The following FLNA variants were observed in gnomAD, a reference collection of about 807,000 sequenced individuals.
FLNA encodes the protein filamin-A.
A neutral mutation model predicts 157.6 loss-of-function variants in FLNA; 7 were observed. That is an observed-to-expected ratio of 0.04 (90% confidence interval 0.03 to 0.08). The LOEUF (loss-of-function observed/expected upper bound fraction) is 0.08. FLNA is among the 10% of genes least tolerant of loss of function. FLNA has a pLI of 1.00. For missense variants in FLNA, 1,750 were observed against 2,398.4 expected (o/e 0.73, Z 5.65); for synonymous variants, 1,103 against 1,060.8 (o/e 1.04, Z -0.77).
Position 154,366,607 on chromosome X carries a change from G to C in FLNA, c.1020C>G (p.Arg340=). The C allele has an allele frequency of 3.3e-6, 4 of 1,212,104 alleles. No homozygotes were observed. Among genetic ancestry groups the C allele is most frequent in the Non-Finnish European group, 4.5e-6 (4 of 895,437 alleles). ...AKVTANNDKN[R]TFSVWYVPEV... ...CGGGGACGTACCAGACGGAGAAGGTGCGGTTCTTGTCGTTATTGGCGGTCA... is the reference window on the plus strand; with the variant it reads ...CGGGGACGTACCAGACGGAGAAGGTCCGGTTCTTGTCGTTATTGGCGGTCA... Residue 340 remains arginine (R), a synonymous_variant, in exon 7 of 48, where the codon CGC becomes CGG. Transcript: ENST00000369850.
In FLNA at chrX:154,353,012, G is replaced by T; in HGVS notation, c.6215C>A (p.Thr2072Asn). 1 of 1,211,414 alleles carries T rather than the reference G, an allele frequency of 8.3e-7. No homozygotes were observed. Among genetic ancestry groups the T allele is most frequent in the African/African-American group, 1.7e-5 (1 of 57,887 alleles). The part of the protein sequence containing the change: ...TFEPAEFIID[T>N]RDAGYGGLSL... ...CAGCCACTGCCTACCTGCATCGCGG[G>T]TATCAATGATAAACTCTGCAGGCTC... Residue 2072 changes from threonine (T) to asparagine (N), a missense_variant, in exon 38 of 48, where the codon ACC (threonine) becomes AAC (asparagine). By Grantham distance (65) the Thr-to-Asn change is moderately conservative. This residue lies in a region of FLNA where 970 missense variants were observed against 1,302.6 expected (regional missense o/e 0.74). Transcript: ENST00000369850.
chrX:154,371,372 A>AGC lies in FLNA; in HGVS notation c.-116-13_-116-12dup. On this transcript the variant is annotated splice_polypyrimidine_tract_variant and intron_variant, in intron 1 of 47. Transcript: ENST00000369850. ...GGAGCAGAGGTTGCGCTGCGGAGAG[A>AGC]GCGAGCCCTTTAAATGCGGGAGGAG... The AGC allele has an allele frequency of 1.1e-6, 1 of 873,292 alleles. No individual in the cohort carries two copies. The highest frequency in any genetic ancestry group is 3.2e-5 in the Admixed American group (1 of 31,451). The allele number at this position is 873,292 out of a possible 1,213,427, so 72.0% of individuals were successfully genotyped here. A position where few individuals can be genotyped will look rare whatever the true frequency, so the allele number is the denominator to read the frequency against.
intron 6 of FLNA, 43 bp from the exon 7 acceptor site, chrX:154,366,682 C>T: frequency 8.3e-7 from 1 of 1,202,245 alleles, no homozygotes; most frequent in Non-Finnish European, 1.1e-6. Flanking sequence ...AAGAGCAGCC[C>T]CACTGAAAGG....
rs57108893 is a variant in FLNA at position 154,354,639 on chromosome X, C to T, written c.5290G>A (p.Ala1764Thr). The T allele has an allele frequency of 7.4e-3, 8,850 of 1,203,908 alleles. 388 individuals are homozygous for T. In the African/African-American group the frequency reaches 0.13, roughly 18 times the overall value. The change falls in exon 32 of 48, where the codon GCC becomes ACC. Residue 1764 changes from alanine to threonine, a missense_variant. Transcript: ENST00000369850. ...ACCCAAGTCTGCTGGCCGCCCTGGG[C>T]GTAGGTGTACTGTGGGGCCAGCTGC... is the stretch of plus-strand genomic sequence containing the variant. ...SQQLAPQYTY[A>T]QGGQQTWAPE...
rs782694926 is a variant in FLNA, at chrX:154,360,280, C to T, written c.3515G>A (p.Arg1172Gln). 5.0e-6 allele frequency: 6 copies of T among 1,211,818 alleles called. No individual in the cohort carries two copies. The highest frequency in any genetic ancestry group is 2.2e-5 in the Admixed American group (1 of 46,193). Residue 1172 changes from arginine to glutamine, a missense_variant, in exon 22 of 48, where the codon CGG (arginine) becomes CAG (glutamine). Physicochemically the swap from Arg to Gln is conservative, Grantham distance 43 (BLOSUM62 1). Around this residue, in one of 5 missense-constraint regions of FLNA, gnomAD observed 648 missense variants for 805.8 expected, o/e 0.80. Transcript: ENST00000369850. ...KVKCSGPGLERATAGEVGQFQ... is the reference protein window; with the variant it reads ...KVKCSGPGLEQATAGEVGQFQ... ...TTGGCCCACCTCCCCAGCGGTGGCCCGCTCCAGCCCGGGGCCTGAGCACTT... is the reference window on the plus strand; with the variant it reads ...TTGGCCCACCTCCCCAGCGGTGGCCTGCTCCAGCCCGGGGCCTGAGCACTT...
At chrX:154,361,952 G>A (rs781786340) in intron 19 of FLNA, 27 bp downstream of exon 19, 37 of 1,203,231 alleles carry the variant, frequency 3.1e-5, no homozygotes, top group African/African-American at 8.8e-5. Flanking sequence ...CTGGGGACTC[G>A]GTGACTGTAG....
intron 9 of FLNA, 61 bp downstream of exon 9, chrX:154,365,963 C>T: frequency 1.8e-6 from 2 of 1,090,730 alleles, no homozygotes; most frequent in Non-Finnish European, 2.5e-6. Context: ...CAGGGGGTCC[C>T]CCTCCTGTGG....
rs976605684 is a variant in FLNA at position 154,348,770 on chromosome X, C to T, written c.*79G>A. 30 of 992,198 alleles carry T rather than the reference C, an allele frequency of 3.0e-5. No homozygotes were observed. Among genetic ancestry groups the T allele is most frequent in the Admixed American group, 1.4e-4 (5 of 36,698 alleles). 81.8% of individuals were successfully genotyped at this position (992,198 alleles called of 1,213,427 possible). On this transcript the variant is annotated 3_prime_UTR_variant, in exon 48 of 48. Coordinates refer to ENST00000369850, the MANE Select transcript of FLNA (RefSeq NM_001110556.2). Reference sequence around the variant, plus strand: ...GGCGGGCGGCCAGGGCGGCCTGGGCCGGGGTTGAGGGGAAGAGGGCGGGGC... The same window carrying T: ...GGCGGGCGGCCAGGGCGGCCTGGGCTGGGGTTGAGGGGAAGAGGGCGGGGC...
intron 30 of FLNA, among the ~76,000 whole-genome samples, chrX:154,355,549 C>G (rs1398461159): frequency 3.5e-5 from 4 of 113,446 alleles, no homozygotes; most frequent in Non-Finnish European, 7.5e-5. Context: ...TCCCCACCCC[C>G]CAGGCCTGAT....
chrX:154,349,096 GCTCTC>G (rs1312057557), intron 47 of FLNA, 60 bp from the exon 48 acceptor site: 27 of 1,087,099 alleles, frequency 2.5e-5, no homozygotes, highest in African/African-American at 3.7e-5. Context: ...CTGGTGTCCT[GCTCTC>G]CTCTCCTGTC....
chrX:154,351,685 C>T lies in FLNA; in HGVS notation c.6919G>A (p.Val2307Ile). 8.4e-7 allele frequency: 1 copy of T among 1,193,825 alleles called. No individual in the cohort carries two copies. Among genetic ancestry groups the T allele is most frequent in the Non-Finnish European group, 1.1e-6 (1 of 879,010 alleles). The stretch of plus-strand genomic sequence containing the variant: ...TGTTCCTCGTTGAACTTGACTGAGA[C>T]TTCGTAGTCACCTGGGCAGGGAAAG... ...YVVQEPGDYE[V>I]SVKFNEEHIP... The change falls in exon 43 of 48, where the codon GTC (valine) becomes ATC (isoleucine). Residue 2307 changes from valine to isoleucine, a missense_variant. Around this residue, in one of 5 missense-constraint regions of FLNA, gnomAD observed 970 missense variants for 1,302.6 expected, o/e 0.74. Transcript: ENST00000369850.
At chrX:154,368,444 A>G (rs782477601) in intron 2 of FLNA, among the ~76,000 whole-genome samples, 11 of 112,469 alleles carry the variant, frequency 9.8e-5, no homozygotes, top group Admixed American at 1.9e-4. Flanking sequence ...CAGCTGCCAG[A>G]GCAGGGGTCC....
At position 154,354,657 on chromosome X, in the gene FLNA, C is replaced by T. The variant is rs2067648344; in HGVS notation, c.5272G>A (p.Ala1758Thr). 8.3e-7 allele frequency: 1 copy of T among 1,205,834 alleles called. No homozygotes were observed. The highest frequency in any genetic ancestry group is 1.1e-6 in the Non-Finnish European group (1 of 893,026). ...VQPPLRSQQL[A>T]PQYTYAQGGQ... ...CCCTGGGCGTAGGTGTACTGTGGGG[C>T]CAGCTGCTGAGACCGTAGAGGGGGC... The change falls in exon 32 of 48, where the codon GCC (alanine) becomes ACC (threonine). Residue 1758 changes from alanine (A) to threonine (T), a missense_variant. Ala to Thr is a moderately conservative substitution (Grantham distance 58). Coordinates refer to ENST00000369850, the MANE Select transcript of FLNA (RefSeq NM_001110556.2).
chrX:154,365,905 G>A, intron 9 of FLNA, 119 bp downstream of exon 9: 1 of 585,789 alleles, frequency 1.7e-6, no homozygotes, highest in Non-Finnish European at 2.7e-6. Context: ...CCAGACAGTA[G>A]AAGCTCAAAG....
At chrX:154,367,022 G>A (rs868916886) in intron 5 of FLNA, among the ~76,000 whole-genome samples, 172 bp from the exon 6 acceptor site, 6 of 112,083 alleles carry the variant, frequency 5.4e-5, no homozygotes, top group Non-Finnish European at 5.6e-5. Flanking sequence ...CTGTGCTCTC[G>A]CTGCTGGGAC....
chrX:154,361,327 G>A lies in FLNA; in HGVS notation c.3188C>T (p.Ala1063Val). Residue 1063 changes from alanine (A) to valine (V), a missense_variant, in exon 21 of 48, where the codon GCC (alanine) becomes GTC (valine). By Grantham distance (64) the Ala-to-Val change is moderately conservative. This residue lies in a region of FLNA where 648 missense variants were observed against 805.8 expected (regional missense o/e 0.80). Transcript: ENST00000369850. ...PGSPFPLEAV[A>V]PTKPSKVKAF... ...AATTACCTTGCTAGGCTTGGTGGGG[G>A]CCACAGCTTCCAGAGGAAAGGGGCT... 8.3e-7 allele frequency: 1 copy of A among 1,210,458 alleles called. No homozygotes were observed. Among genetic ancestry groups the A allele is most frequent in the Admixed American group, 2.2e-5 (1 of 45,969 alleles).
rs199934017 is a variant in FLNA at position 154,351,870 on chromosome X, C to T, written c.6907+14G>A. 7.0e-5 allele frequency: 85 copies of T among 1,209,135 alleles called. No homozygotes were observed. The East Asian group carries it at 2.0e-3, about 28-fold the overall frequency. ...AGGCCCCACCTCCTCCAACCCCAGCCGGGTTCCCAGTACCTGGCTCCTGGA... is the reference window on the plus strand; with the variant it reads ...AGGCCCCACCTCCTCCAACCCCAGCTGGGTTCCCAGTACCTGGCTCCTGGA... On this transcript the variant is annotated intron_variant, in intron 42 of 47. Transcript: ENST00000369850.
At chrX:154,351,546 G>C in intron 43 of FLNA, 35 bp downstream of exon 43, 1 of 1,003,775 alleles carries the variant, frequency 1.0e-6, no homozygotes, top group Non-Finnish European at 1.4e-6. Flanking sequence ...CCGGGCCCAG[G>C]AGCCCCAGGT....
In FLNA at chrX:154,353,941, G is replaced by T; in HGVS notation, c.5660C>A (p.Thr1887Asn). 2 of 1,212,229 alleles carry T rather than the reference G, an allele frequency of 1.6e-6. No individual in the cohort carries two copies. Among genetic ancestry groups the T allele is most frequent in the South Asian group, 1.8e-5 (1 of 57,057 alleles). ...HGVVNKPATF[T>N]VNTKDAGEGG... ...CTCTCCTGCATCCTTGGTGTTGACG[G>T]TGAAGGTGGCAGGCTTGTTCACTAC... is the stretch of plus-strand genomic sequence containing the variant. Residue 1887 changes from threonine to asparagine, a missense_variant, in exon 35 of 48, where the codon ACC becomes AAC. Coordinates refer to ENST00000369850, the MANE Select transcript of FLNA (RefSeq NM_001110556.2).
Sources: gnomAD v4.1 joint callset for allele counts (sites outside exome capture counted in the v4.1 genomes callset) on GRCh38, gnomAD v4.1.1 for gene constraint, gnomAD v4.1.1 regional missense constraint, MANE v1.5 for transcripts, NCBI Gene and HGNC (gene_info 2026-07-23, HGNC 2026-07-21) for gene names.